MFAP3L: variants seen among roughly 807,000 people sequenced by gnomAD.
MFAP3L encodes microfibrillar-associated protein 3-like.
In MFAP3L, 5 loss-of-function variants were observed where a neutral mutation model predicts 20.0. The ratio of observed to expected loss-of-function variants is 0.25; its 90% CI spans 0.13 to 0.53. The LOEUF (loss-of-function observed/expected upper bound fraction) is 0.53. Ranked by LOEUF, MFAP3L falls within the 20% of genes least tolerant of loss-of-function variation. MFAP3L has a pLI of 0.96. For synonymous variants in MFAP3L, 219 were observed against 213.0 expected (o/e 1.03, Z -0.25); for missense variants, 409 against 527.5 (o/e 0.78, Z 2.20).
At chr4:170,001,891 C>T in intron 2 of MFAP3L, 2 of 975,570 alleles carry the variant, frequency 2.1e-6, no homozygotes, top group African/African-American at 3.5e-5. Context: ...CCAGCTGCTG[C>T]TCCTGCCAAT....
At chr4:170,001,906 G>A in intron 2 of MFAP3L, 1 of 984,688 alleles carries the variant, frequency 1.0e-6, no homozygotes, top group Non-Finnish European at 1.2e-6. Flanking sequence ...GCCAATGACA[G>A]GAAATAGCCC....
rs1258461034 is a variant in MFAP3L at position 169,990,528 on chromosome 4, G to C, written c.*850C>G. On this transcript the variant is annotated 3_prime_UTR_variant, in exon 3 of 3. Coordinates refer to ENST00000361618, the MANE Select transcript of MFAP3L (RefSeq NM_021647.8). Reference sequence around the variant, plus strand: ...AACTTAAACAGTGACTTTCATGGGTGGTGTGGGTATATTTAACCTTTTACA... The same window carrying C: ...AACTTAAACAGTGACTTTCATGGGTCGTGTGGGTATATTTAACCTTTTACA... 6.6e-6 allele frequency: 1 copy of C among 152,618 alleles called. No individual in the cohort carries two copies. Among genetic ancestry groups the C allele is most frequent in the Non-Finnish European group, 1.5e-5 (1 of 68,042 alleles). 9.5% of individuals were successfully genotyped at this position (152,618 alleles called of 1,614,324 possible).
At chr4:170,006,530 C>G in intron 1 of MFAP3L, 1 of 152,284 alleles carries the variant, frequency 6.6e-6, no homozygotes. Flanking sequence ...TTTATAGGAA[C>G]AAATATTTCT....
intron 2 of MFAP3L, chr4:170,002,248 C>G: frequency 1.0e-6 from 1 of 985,308 alleles, no homozygotes; most frequent in Non-Finnish European, 1.2e-6. Context: ...TGTGGTGGGG[C>G]ACAGAGGGAG....
At chr4:170,002,296 C>A (rs1738690001) in intron 2 of MFAP3L, 10 of 975,876 alleles carry the variant, frequency 1.0e-5, no homozygotes, top group Non-Finnish European at 1.2e-5. Context: ...TTGTGTCATA[C>A]CCTCTGGTTT....
At chr4:170,017,000 T>C (rs1739739451) in intron 1 of MFAP3L, among the ~76,000 whole-genome samples, 1 of 152,214 alleles carries the variant, frequency 6.6e-6, no homozygotes, top group Non-Finnish European at 1.5e-5. Flanking sequence ...CTACTTAATT[T>C]ATATTTCAAA....
chr4:169,998,787 GAGA>G (rs1738396498), intron 2 of MFAP3L, among the ~76,000 whole-genome samples: 1 of 152,178 alleles, frequency 6.6e-6, no homozygotes, highest in Non-Finnish European at 1.5e-5. Flanking sequence ...GCTTTTCCAG[GAGA>G]AGAATTAAAT....
At chr4:170,011,836 T>G (rs563627405) in intron 1 of MFAP3L, among the ~76,000 whole-genome samples, 1 of 152,218 alleles carries the variant, frequency 6.6e-6, no homozygotes, top group African/African-American at 2.4e-5. Flanking sequence ...CCAGGAAGAA[T>G]TTTCTGGAAG....
In MFAP3L at chr4:170,002,662, G is replaced by A. The variant is rs768454448; in HGVS notation, c.298+2918C>T. ...GTAGCTGGGATTACAGATATGCACC[G>A]CCACGCCCAGCTAATTTTTGTATTT... On this transcript the variant is annotated intron_variant, in intron 2 of 2. Transcript: ENST00000361618. Among the ~76,000 whole-genome samples, 10 of 151,486 alleles carry A rather than the reference G, an allele frequency of 6.6e-5. No individual in the cohort carries two copies. In the South Asian group the frequency reaches 1.9e-3, roughly 28 times the overall value.
At chr4:170,010,808 C>CGG (rs374665714) in intron 1 of MFAP3L, among the ~76,000 whole-genome samples, 35 of 150,436 alleles carry the variant, frequency 2.3e-4, no homozygotes, top group South Asian at 8.4e-4. Context: ...CACTGCATTG[C>CGG]GGGGGGGTGG....
At chr4:170,023,755 G>A (rs974245928) in intron 1 of MFAP3L, among the ~76,000 whole-genome samples, 13 of 152,208 alleles carry the variant, frequency 8.5e-5, no homozygotes, top group African/African-American at 3.1e-4. Context: ...AGGCTGTGTT[G>A]AGGTTAAAAG....
chr4:169,991,499 G>C lies in MFAP3L; in HGVS notation c.1109C>G (p.Ser370Cys), dbSNP rs756972584. Reference protein sequence around the residue: ...STDVTSTELTSEEPTPVEVPD... With the variant: ...STDVTSTELTCEEPTPVEVPD... ...TACCTCAACAGGTGTTGGCTCTTCA[G>C]ATGTTAGCTCGGTGGACGTGACATC... Residue 370 changes from serine to cysteine, a missense_variant, in exon 3 of 3, where the codon TCT becomes TGT. Around this residue, in one of 3 missense-constraint regions of MFAP3L, gnomAD observed 169 missense variants for 178.2 expected, o/e 0.95. Transcript: ENST00000361618. The surrounding 1 kb of genome is among the most constrained non-coding windows in gnomAD (Gnocchi z 4.9). 6.2e-7 allele frequency: 1 copy of C among 1,614,088 alleles called. No individual in the cohort carries two copies. The highest frequency in any genetic ancestry group is 1.3e-5 in the African/African-American group (1 of 74,928).
intron 1 of MFAP3L, among the ~76,000 whole-genome samples, chr4:170,023,231 G>A (rs993145833): frequency 6.6e-6 from 1 of 152,020 alleles, no homozygotes; most frequent in African/African-American, 2.4e-5. Flanking sequence ...CACTCATCCT[G>A]TACTGTGTTT....
chr4:170,000,458 CAAT>C (rs1255225379), intron 2 of MFAP3L, among the ~76,000 whole-genome samples: 1 of 152,026 alleles, frequency 6.6e-6, no homozygotes, highest in African/African-American at 2.4e-5. Flanking sequence ...ATAATATTAA[CAAT>C]AATAATAGCA....
chr4:169,992,079 T>C lies in MFAP3L; in HGVS notation c.529A>G (p.Ser177Gly). 6.2e-7 allele frequency: 1 copy of C among 1,614,214 alleles called. No homozygotes were observed. ...LNITRLCMMS[S>G]HLKKTEKAIN... ...GCCTTCTCAGTCTTCTTTAGATGGC[T>C]GCTCATCATGCACAGGCGGGTGATA... is the stretch of plus-strand genomic sequence containing the variant. Residue 177 changes from serine to glycine, a missense_variant, in exon 3 of 3, where the codon AGC (serine) becomes GGC (glycine). Around this residue, in one of 3 missense-constraint regions of MFAP3L, gnomAD observed 127 missense variants for 218.1 expected, o/e 0.58. Coordinates refer to ENST00000361618, the MANE Select transcript of MFAP3L (RefSeq NM_021647.8). This position sits in a 1 kb window ranked among gnomAD's most constrained non-coding sequence, Gnocchi z 4.3.
intron 1 of MFAP3L, among the ~76,000 whole-genome samples, chr4:170,011,714 A>G (rs1245207693): frequency 6.6e-6 from 1 of 152,166 alleles, no homozygotes; most frequent in Non-Finnish European, 1.5e-5. Flanking sequence ...GGCAGGGGAC[A>G]CAGGAACATA....
chr4:169,991,630 T>A lies in MFAP3L; in HGVS notation c.978A>T (p.Lys326Asn). ...AIKVSVHPQS[K>N]KEHADDQEGG... is the part of the protein sequence containing the mutation. ...CCTCTTGGTCATCTGCATGCTCTTT[T>A]TTGGACTGCGGGTGAACTGACACCT... Residue 326 changes from lysine to asparagine, a missense_variant, in exon 3 of 3, where the codon AAA (lysine) becomes AAT (asparagine). Physicochemically the swap from Lys to Asn is moderately conservative, Grantham distance 94 (BLOSUM62 0). Transcript: ENST00000361618. The surrounding 1 kb of genome is among the most constrained non-coding windows in gnomAD (Gnocchi z 4.9). 1 of 1,614,172 alleles carries A rather than the reference T, an allele frequency of 6.2e-7. No homozygotes were observed. The highest frequency in any genetic ancestry group is 8.5e-7 in the Non-Finnish European group (1 of 1,180,032).
intron 2 of MFAP3L, chr4:169,994,169 G>C: frequency 1.0e-6 from 1 of 984,784 alleles, no homozygotes; most frequent in South Asian, 4.7e-5. Flanking sequence ...GAGACTTACA[G>C]GCTATGCTTG....
chr4:169,992,319 G>A lies in MFAP3L; in HGVS notation c.299-10C>T. 6.3e-7 allele frequency: 1 copy of A among 1,595,554 alleles called. No homozygotes were observed. Among genetic ancestry groups the A allele is most frequent in the Non-Finnish European group, 8.5e-7 (1 of 1,169,712 alleles). On this transcript the variant is annotated splice_polypyrimidine_tract_variant and intron_variant, in intron 2 of 2. Coordinates refer to ENST00000361618, the MANE Select transcript of MFAP3L (RefSeq NM_021647.8). The surrounding 1 kb of genome is among the most constrained non-coding windows in gnomAD (Gnocchi z 4.3). ...TGCATTTGCCATTTTCCTGTCGGAA[G>A]GGAGAGAAGAGAATTCAACCAAGGA...
Sources: gnomAD v4.1 joint callset for allele counts (sites outside exome capture counted in the v4.1 genomes callset) on GRCh38, gnomAD v4.1.1 for gene constraint, gnomAD v4.1.1 regional missense constraint, Gnocchi (gnomAD v3.1) non-coding constraint, MANE v1.5 for transcripts, NCBI Gene and HGNC (gene_info 2026-07-23, HGNC 2026-07-21) for gene names.